Variants in SYT16 observed in about 807,000 individuals in gnomAD.
The protein encoded by SYT16 is synaptotagmin 16.
SYT16 carries 42 observed loss-of-function variants against 61.4 expected under a neutral mutation model. The observed-to-expected ratio is 0.68, with a 90% confidence interval of 0.53 to 0.89. The LOEUF is 0.89. SYT16 is among the 40% of genes least tolerant of loss of function. The pLI is 0.00. For missense variants in SYT16, 804 were observed against 807.3 expected (o/e 1.00, Z 0.05); for synonymous variants, 314 against 302.3 (o/e 1.04, Z -0.40).
At chr14:62,053,397 G>T (rs1277016912) in intron 3 of SYT16, among the ~76,000 whole-genome samples, 1 of 152,172 alleles carries the variant, frequency 6.6e-6, no homozygotes, top group Non-Finnish European at 1.5e-5. Context: ...CTGGTTCTCA[G>T]ACCTTCAAAG....
At chr14:61,936,512 ATTTC>A (rs2049987449) in intron 1 of SYT16, among the ~76,000 whole-genome samples, 1 of 152,042 alleles carries the variant, frequency 6.6e-6, no homozygotes, top group South Asian at 2.1e-4. Context: ...ACAGAAATAC[ATTTC>A]TTATTTTGAT....
intron 3 of SYT16, among the ~76,000 whole-genome samples, chr14:62,062,689 T>C (rs1172026353): frequency 6.6e-6 from 1 of 152,196 alleles, no homozygotes; most frequent in Non-Finnish European, 1.5e-5. Flanking sequence ...TCTGCTTTTT[T>C]TTTTATCCTT....
At position 62,111,129 on chromosome 14, in the gene SYT16, T is replaced by C. The variant is rs1360090788; in HGVS notation, c.*10422T>C. The C allele has an allele frequency of 6.6e-6, 1 of 152,154 alleles. No homozygotes were observed. Among genetic ancestry groups the C allele is most frequent in the Non-Finnish European group, 1.5e-5 (1 of 67,966 alleles). The allele number at this position is 152,154 out of a possible 1,614,324, so 9.4% of individuals were successfully genotyped here. A position where few individuals can be genotyped will look rare whatever the true frequency, so the allele number is the denominator to read the frequency against. ...GTCTTCATATGGCATCTGAAACAGTTGTTCACATTCACACATTTATGTTTC... is the reference window on the plus strand; with the variant it reads ...GTCTTCATATGGCATCTGAAACAGTCGTTCACATTCACACATTTATGTTTC... On this transcript the variant is annotated 3_prime_UTR_variant, in exon 8 of 8. Coordinates refer to ENST00000683842, the MANE Select transcript of SYT16 (RefSeq NM_001367656.1).
At chr14:61,914,289 A>C (rs1306745263) in intron 1 of SYT16, among the ~76,000 whole-genome samples, 2 of 152,222 alleles carry the variant, frequency 1.3e-5, no homozygotes, top group East Asian at 3.8e-4. Context: ...AATGAGGCAC[A>C]GATGACGCAC....
chr14:61,973,354 T>A (rs557968550), intron 2 of SYT16, among the ~76,000 whole-genome samples: 19 of 152,176 alleles, frequency 1.2e-4, no homozygotes, highest in Non-Finnish European at 2.5e-4. Flanking sequence ...CAGATAATGA[T>A]CATTGGTAAC....
intron 3 of SYT16, among the ~76,000 whole-genome samples, chr14:62,063,146 G>A (rs1437329470): frequency 1.3e-5 from 2 of 152,132 alleles, no homozygotes; most frequent in Non-Finnish European, 2.9e-5. Context: ...GGTAAGGTGG[G>A]AAGTACAACC....
chr14:62,079,307 C>G, intron 5 of SYT16: 2 of 1,114,880 alleles, frequency 1.8e-6, no homozygotes, highest in Non-Finnish European at 2.3e-6. Flanking sequence ...AGAAGCTTCA[C>G]TTATTTTACA....
chr14:62,078,430 A>G (rs1346832364), intron 5 of SYT16, among the ~76,000 whole-genome samples: 11 of 152,288 alleles, frequency 7.2e-5, no homozygotes, highest in South Asian at 2.1e-4. Context: ...TTCGTCCTCC[A>G]TAAAATGAAG....
intron 3 of SYT16, among the ~76,000 whole-genome samples, chr14:62,016,431 C>T (rs564187272): frequency 4.0e-5 from 6 of 151,318 alleles, no homozygotes; most frequent in East Asian, 3.9e-4. Context: ...TGGTGGCTCA[C>T]GTCTGTAATC....
chr14:61,889,764 C>G (rs529137632), intron 1 of SYT16, among the ~76,000 whole-genome samples: 45 of 152,042 alleles, frequency 3.0e-4, no homozygotes, highest in Non-Finnish European at 5.7e-4. Flanking sequence ...CCATCATGAA[C>G]CTTCCAGCTT....
chr14:62,068,586 G>A (rs2056162486), intron 3 of SYT16, among the ~76,000 whole-genome samples: 1 of 152,140 alleles, frequency 6.6e-6, no homozygotes, highest in South Asian at 2.1e-4. Context: ...ACACAAAAAA[G>A]TAACTATGTG....
chr14:62,083,143 C>T (rs925063038), intron 6 of SYT16, among the ~76,000 whole-genome samples: 6 of 69,602 alleles, frequency 8.6e-5, no homozygotes, highest in African/African-American at 3.1e-4. Context: ...TCCATACAGC[C>T]TCAGGTTAGG....
At chr14:61,975,612 A>G (rs1255183515) in intron 2 of SYT16, among the ~76,000 whole-genome samples, 2 of 152,164 alleles carry the variant, frequency 1.3e-5, no homozygotes, top group African/African-American at 4.8e-5. Context: ...CTCACTCACT[A>G]TCATTAGAAC....
At chr14:61,956,884 T>C (rs1284273418) in intron 1 of SYT16, among the ~76,000 whole-genome samples, 1 of 151,426 alleles carries the variant, frequency 6.6e-6, no homozygotes, top group Non-Finnish European at 1.5e-5. Context: ...AATCTATAGA[T>C]TTTTTTTAAA....
intron 1 of SYT16, among the ~76,000 whole-genome samples, chr14:61,914,811 C>T (rs1238736274): frequency 6.6e-6 from 1 of 152,180 alleles, no homozygotes; most frequent in African/African-American, 2.4e-5. Context: ...TACAGCCTTG[C>T]CCCTTTTAGC....
chr14:61,877,886 GTAGGTAGAACC>G (rs1330091815), intron 1 of SYT16, among the ~76,000 whole-genome samples: 3 of 152,174 alleles, frequency 2.0e-5, no homozygotes, highest in African/African-American at 4.8e-5. Context: ...TGGGAAACTG[GTAGGTAGAACC>G]TTAATCCCTG....
intron 3 of SYT16, among the ~76,000 whole-genome samples, chr14:62,051,011 C>T (rs2055259054): frequency 6.6e-6 from 1 of 152,210 alleles, no homozygotes; most frequent in Non-Finnish European, 1.5e-5. Flanking sequence ...CAGACAGGGA[C>T]ATTTACGTCT....
At chr14:61,887,798 ATGT>A (rs1291973704) in intron 1 of SYT16, among the ~76,000 whole-genome samples, 2 of 152,196 alleles carry the variant, frequency 1.3e-5, no homozygotes, top group African/African-American at 4.8e-5. Context: ...GCTTGAGCAA[ATGT>A]TGTGGTTAGT....
At chr14:61,844,404 A>C (rs1356111965) in intron 1 of SYT16, among the ~76,000 whole-genome samples, 1 of 152,132 alleles carries the variant, frequency 6.6e-6, no homozygotes, top group Admixed American at 6.6e-5. Context: ...TGCTCTAGCT[A>C]GGACTTCCAG....
Sources: allele counts gnomAD v4.1 joint callset (sites outside exome capture counted in the v4.1 genomes callset), GRCh38; gene constraint gnomAD v4.1.1; transcripts MANE v1.5; gene names NCBI Gene and HGNC (gene_info 2026-07-23, HGNC 2026-07-21).